SLC30A9: variants seen among roughly 807,000 people sequenced by gnomAD.
SLC30A9 encodes the protein solute carrier family 30 member 9.
SLC30A9 carries 58 observed loss-of-function variants against 87.5 expected under a neutral mutation model. The observed-to-expected ratio is 0.66, with a 90% CI of 0.54 to 0.82. SLC30A9 has a LOEUF of 0.82. Among genes scored for constraint, SLC30A9 ranks in the 40% least tolerant of loss-of-function variants. The pLI is 0.00. For synonymous variants in SLC30A9, 234 were observed against 233.0 expected, an observed-to-expected ratio of 1.00 and a Z score of -0.04; for missense variants, 557 against 679.1, an observed-to-expected ratio of 0.82 and a Z score of 2.00.
At chr4:41,990,854 C>G (rs1283805985) in intron 1 of SLC30A9, 94 bp downstream of exon 1, 1 of 884,282 alleles carries the variant, frequency 1.1e-6, no homozygotes, top group Non-Finnish European at 1.8e-6. Flanking sequence ...CGCCCACTTG[C>G]CTTTCGCCAA....
At position 42,020,519 on chromosome 4, in the gene SLC30A9, A is replaced by T; in HGVS notation, c.434+4A>T. ...ATGAGTTCTGCCTCAAATCCAGGTA[A>T]TTTTTTTAAAAAATGTAGCCGTGTG... is the stretch of plus-strand genomic sequence containing the variant. On this transcript the variant is annotated splice_donor_region_variant and intron_variant, in intron 4 of 17. Coordinates refer to ENST00000264451, the MANE Select transcript of SLC30A9 (RefSeq NM_006345.4). The T allele has an allele frequency of 6.5e-7, 1 of 1,528,094 alleles. No individual in the cohort carries two copies. Among genetic ancestry groups the T allele is most frequent in the Non-Finnish European group, 9.0e-7 (1 of 1,108,544 alleles). The allele number at this position is 1,528,094 out of a possible 1,614,324, so 94.7% of individuals were successfully genotyped here.
intron 1 of SLC30A9, among the ~76,000 whole-genome samples, chr4:41,999,077 T>G (rs1484487423): frequency 6.6e-6 from 1 of 152,142 alleles, no homozygotes; most frequent in Non-Finnish European, 1.5e-5. Flanking sequence ...TGGCCCAAAA[T>G]AGAACAGTTT....
chr4:42,003,605 C>G (rs1168216488), intron 2 of SLC30A9, among the ~76,000 whole-genome samples: 1 of 152,056 alleles, frequency 6.6e-6, no homozygotes, highest in Non-Finnish European at 1.5e-5. Flanking sequence ...TTTTCCCATC[C>G]TTTGATTTTA....
intron 6 of SLC30A9, among the ~76,000 whole-genome samples, chr4:42,034,651 C>T (rs982242323): frequency 2.6e-5 from 4 of 152,154 alleles, no homozygotes; most frequent in African/African-American, 9.7e-5. Context: ...GTATATACCA[C>T]ATTTTGTTTA....
chr4:41,994,835 AAAAAAAAAAAAG>A (rs1378720807), intron 1 of SLC30A9, among the ~76,000 whole-genome samples: 1 of 150,556 alleles, frequency 6.6e-6, no homozygotes, highest in Non-Finnish European at 1.5e-5. Flanking sequence ...CTCAAAAAAA[AAAAAAAAAAAAG>A]ACCATTTAGA....
At chr4:42,001,425 A>T (rs911003137) in intron 1 of SLC30A9, among the ~76,000 whole-genome samples, 191 bp from the exon 2 acceptor site, 1 of 152,034 alleles carries the variant, frequency 6.6e-6, no homozygotes, top group East Asian at 1.9e-4. Context: ...TTGATTTTTT[A>T]TATTTTTAAA....
chr4:41,990,772 G>T lies in SLC30A9; in HGVS notation c.109+12G>T. 6.3e-7 allele frequency: 1 copy of T among 1,592,294 alleles called. No homozygotes were observed. The highest frequency in any genetic ancestry group is 8.6e-7 in the Non-Finnish European group (1 of 1,165,162). On this transcript the variant is annotated intron_variant, in intron 1 of 17. Coordinates refer to ENST00000264451, the MANE Select transcript of SLC30A9 (RefSeq NM_006345.4). Reference sequence around the variant, plus strand: ...CAGCGACCGCCAGGGTGAGTGTCCCGCGCTGGCCGCTGGCTCCGTAGAAGC... The same window carrying T: ...CAGCGACCGCCAGGGTGAGTGTCCCTCGCTGGCCGCTGGCTCCGTAGAAGC...
intron 15 of SLC30A9, among the ~76,000 whole-genome samples, chr4:42,072,497 ATTC>A (rs1461712200): frequency 6.6e-6 from 1 of 151,686 alleles, no homozygotes; most frequent in African/African-American, 2.4e-5. Flanking sequence ...TTCTTTTTTT[ATTC>A]TTTTCAGTTA....
At chr4:42,017,031 G>A (rs908226375) in intron 2 of SLC30A9, among the ~76,000 whole-genome samples, 2 of 152,068 alleles carry the variant, frequency 1.3e-5, no homozygotes, top group African/African-American at 4.8e-5. Flanking sequence ...TGTTTACCAA[G>A]GTATTGTGCC....
chr4:42,070,294 T>C, intron 14 of SLC30A9: 1 of 398,692 alleles, frequency 2.5e-6, no homozygotes, highest in Non-Finnish European at 4.5e-6. Flanking sequence ...TAATGACAGG[T>C]ACAAGTAAGA....
At chr4:41,994,239 A>C (rs941226584) in intron 1 of SLC30A9, among the ~76,000 whole-genome samples, 2 of 152,240 alleles carry the variant, frequency 1.3e-5, no homozygotes, top group Admixed American at 1.3e-4. Flanking sequence ...GTAGAAAAAT[A>C]CAGTGAAAAT....
chr4:41,990,683 A>G lies in SLC30A9; in HGVS notation c.32A>G (p.His11Arg). The G allele has an allele frequency of 6.2e-7, 1 of 1,609,896 alleles. No individual in the cohort carries two copies. Among genetic ancestry groups the G allele is most frequent in the Non-Finnish European group, 8.5e-7 (1 of 1,177,624 alleles). The part of the protein sequence containing the change: MLPGLAAAAA[H>R]RCSWSSLCRL... Reference sequence around the variant, plus strand: ...CCCGGCTTGGCCGCCGCCGCGGCCCACAGATGTAGCTGGTCCTCCCTGTGC... The same window carrying G: ...CCCGGCTTGGCCGCCGCCGCGGCCCGCAGATGTAGCTGGTCCTCCCTGTGC... Residue 11 changes from histidine (H) to arginine (R), a missense_variant, in exon 1 of 18, where the codon CAC becomes CGC. Coordinates refer to ENST00000264451, the MANE Select transcript of SLC30A9 (RefSeq NM_006345.4).
intron 2 of SLC30A9, among the ~76,000 whole-genome samples, chr4:42,011,038 C>T (rs1459229946): frequency 6.6e-6 from 1 of 152,104 alleles, no homozygotes; most frequent in East Asian, 1.9e-4. Flanking sequence ...CTGTGTCTTA[C>T]AGGAAGCTGT....
intron 15 of SLC30A9, among the ~76,000 whole-genome samples, chr4:42,074,575 C>G (rs13111696): frequency 0.67 from 101,472 of 151,960 alleles, 37,563 homozygotes; most frequent in East Asian, 0.96. Context: ...ACTGGGCTTG[C>G]ATTTCTGAAG....
chr4:42,055,001 TTAA>T (rs1196129990), intron 9 of SLC30A9, among the ~76,000 whole-genome samples: 1 of 152,164 alleles, frequency 6.6e-6, no homozygotes, highest in Non-Finnish European at 1.5e-5. Flanking sequence ...TTGTTAAAGC[TTAA>T]TGATGGATGA....
At chr4:42,085,855 C>T (rs1718905699) in intron 17 of SLC30A9, among the ~76,000 whole-genome samples, 1 of 151,662 alleles carries the variant, frequency 6.6e-6, no homozygotes, top group African/African-American at 2.4e-5. Flanking sequence ...TTTGTATTAA[C>T]AAACACATGA....
intron 8 of SLC30A9, among the ~76,000 whole-genome samples, chr4:42,042,695 C>T (rs1463485114): frequency 6.6e-6 from 1 of 152,128 alleles, no homozygotes; most frequent in Non-Finnish European, 1.5e-5. Context: ...AAGAGAGCAG[C>T]GGATCTCCCA....
chr4:42,008,176 G>A lies in SLC30A9; in HGVS notation c.274+6396G>A, dbSNP rs1715295663. ...TTGTTATAGGGCCTTTGCTCTAGTTGCGTTCTCTTTCCAAGGTGCCCTTCT... is the reference window on the plus strand; with the variant it reads ...TTGTTATAGGGCCTTTGCTCTAGTTACGTTCTCTTTCCAAGGTGCCCTTCT... On this transcript the variant is annotated intron_variant, in intron 2 of 17. Coordinates refer to ENST00000264451, the MANE Select transcript of SLC30A9 (RefSeq NM_006345.4). Among the ~76,000 whole-genome samples, 3 of 152,120 alleles carry A rather than the reference G, an allele frequency of 2.0e-5. No individual in the cohort carries two copies. The South Asian group carries it at 6.2e-4, about 32-fold the overall frequency.
chr4:42,054,679 A>C (rs995565768), intron 9 of SLC30A9, among the ~76,000 whole-genome samples: 1 of 151,598 alleles, frequency 6.6e-6, no homozygotes, highest in African/African-American at 2.4e-5. Context: ...TTTAGTAGAG[A>C]CGGGGTTTCA....
Sources: gnomAD v4.1 joint callset for allele counts (sites outside exome capture counted in the v4.1 genomes callset) on GRCh38, gnomAD v4.1.1 for gene constraint, MANE v1.5 for transcripts, NCBI Gene and HGNC (gene_info 2026-07-23, HGNC 2026-07-21) for gene names.